PSD3: variants seen among roughly 807,000 people sequenced by gnomAD.
PSD3 encodes PH and SEC7 domain-containing protein 3.
PSD3 carries 49 observed loss-of-function variants against 105.5 expected under a neutral mutation model. The ratio of observed to expected loss-of-function variants is 0.46; its 90% confidence interval spans 0.37 to 0.59. PSD3 has a LOEUF of 0.59. Among genes scored for constraint, PSD3 ranks in the 20% least tolerant of loss-of-function variants. The pLI, the probability that PSD3 is intolerant of heterozygous loss-of-function variation, is 0.00. For missense variants in PSD3, 1,561 were observed against 1,263.8 expected (o/e 1.24, Z -3.57); for synonymous variants, 557 against 457.8 (o/e 1.22, Z -2.77).
intron 9 of PSD3, among the ~76,000 whole-genome samples, chr8:18,759,954 G>C (rs947451751): frequency 2.0e-5 from 3 of 149,700 alleles, no homozygotes; most frequent in Non-Finnish European, 2.9e-5. Flanking sequence ...ACCAGAGTTA[G>C]AAATGCAGAG....
At chr8:19,040,062 C>T (rs7820592) in intron 1 of PSD3, among the ~76,000 whole-genome samples, 11,238 of 152,130 alleles carry the variant, frequency 0.074, 1,390 homozygotes, top group African/African-American at 0.26. Flanking sequence ...ATGCACCACA[C>T]AAACATGAAC....
chr8:18,864,367 G>C lies in PSD3; in HGVS notation c.1634+3307C>G, dbSNP rs141099544. On this transcript the variant is annotated intron_variant, in intron 4 of 15. Coordinates refer to ENST00000327040, the MANE Select transcript of PSD3 (RefSeq NM_015310.4). ...TAATAGTTCCTTTCTTCCCCCTATA[G>C]CTCATTATGAGAACGAAGCATCATG... 5.2e-4 allele frequency among the ~76,000 whole-genome samples: 79 copies of C among 152,198 alleles called. No homozygotes were observed. The East Asian group carries it at 0.015, about 29-fold the overall frequency.
At chr8:18,986,586 G>A (rs990173698) in intron 1 of PSD3, among the ~76,000 whole-genome samples, 1 of 146,850 alleles carries the variant, frequency 6.8e-6, no homozygotes, top group South Asian at 2.2e-4. Context: ...TTCAATGTTT[G>A]AAAAAAAAAA....
chr8:19,005,260 C>T (rs183877567), intron 1 of PSD3, among the ~76,000 whole-genome samples: 42 of 151,990 alleles, frequency 2.8e-4, no homozygotes, highest in African/African-American at 9.9e-4. Flanking sequence ...TACTATTCAG[C>T]AATAACAAGG....
rs1799722691 is a variant in PSD3 at position 18,533,752 on chromosome 8, CA to C, written c.*1990del. 1 of 152,094 alleles carries C rather than the reference CA, an allele frequency of 6.6e-6. No individual in the cohort carries two copies. The highest frequency in any genetic ancestry group is 1.5e-5 in the Non-Finnish European group (1 of 68,014). 9.4% of individuals were successfully genotyped at this position (152,094 alleles called of 1,614,324 possible). ...CAAATATCCTGATAATTTAGATTAT[CA>C]GGTAGAAAGACAGATAACTTGCTTG... On this transcript the variant is annotated 3_prime_UTR_variant, in exon 16 of 16. Coordinates refer to ENST00000327040, the MANE Select transcript of PSD3 (RefSeq NM_015310.4).
At chr8:18,791,149 T>C (rs1439283624) in intron 8 of PSD3, among the ~76,000 whole-genome samples, 1 of 152,158 alleles carries the variant, frequency 6.6e-6, no homozygotes, top group African/African-American at 2.4e-5. Flanking sequence ...ATGGCCATAC[T>C]ATCCAAAGCA....
chr8:18,891,904 T>C (rs1005656395), intron 2 of PSD3, among the ~76,000 whole-genome samples: 1 of 152,200 alleles, frequency 6.6e-6, no homozygotes, highest in South Asian at 2.1e-4. Flanking sequence ...ATATTGAGTA[T>C]TCATTCCTTT....
In PSD3 at chr8:18,922,870, G is replaced by C. The variant is rs545150736; in HGVS notation, c.130+13164C>G. 1.2e-4 allele frequency among the ~76,000 whole-genome samples: 19 copies of C among 152,248 alleles called. No homozygotes were observed. In the East Asian group the frequency reaches 3.7e-3, roughly 29 times the overall value. Reference sequence around the variant, plus strand: ...ATGCATGGGGCAAGGCATGTGGGAGGGGGCAGAGAGTTCCATGCCCTCTCT... The same window carrying C: ...ATGCATGGGGCAAGGCATGTGGGAGCGGGCAGAGAGTTCCATGCCCTCTCT... On this transcript the variant is annotated intron_variant, in intron 2 of 15. Transcript: ENST00000327040.
chr8:18,610,079 C>T (rs36093086), intron 11 of PSD3, among the ~76,000 whole-genome samples: 41,460 of 152,058 alleles, frequency 0.27, 6,059 homozygotes, highest in South Asian at 0.46. Context: ...GCAATTTACA[C>T]ATTACAAAAA....
chr8:18,872,413 GTAATGT>G lies in PSD3; in HGVS notation c.445_450del (p.Thr149_Leu150del), dbSNP rs1345524164. On this transcript the variant is annotated inframe_deletion, in exon 3 of 16. Coordinates refer to ENST00000327040, the MANE Select transcript of PSD3 (RefSeq NM_015310.4). ...TCTTGGTCCAGTACCTTTGTAGCCTGTAATGTTCCGGAAATGATTCTGGCTTCTGTG... is the reference window on the plus strand; with the variant it reads ...TCTTGGTCCAGTACCTTTGTAGCCTGTCCGGAAATGATTCTGGCTTCTGTG... 6.2e-7 allele frequency: 1 copy of G among 1,614,078 alleles called. No homozygotes were observed. Among genetic ancestry groups the G allele is most frequent in the Non-Finnish European group, 8.5e-7 (1 of 1,180,046 alleles).
At chr8:18,552,057 C>G (rs1225066584) in intron 15 of PSD3, among the ~76,000 whole-genome samples, 1 of 152,170 alleles carries the variant, frequency 6.6e-6, no homozygotes, top group Non-Finnish European at 1.5e-5. Flanking sequence ...AAAACAAATA[C>G]AGTATTATGT....
intron 9 of PSD3, among the ~76,000 whole-genome samples, chr8:18,711,312 C>A (rs563018153): frequency 6.6e-6 from 1 of 152,066 alleles, no homozygotes; most frequent in African/African-American, 2.4e-5. Flanking sequence ...TGTAAATGGG[C>A]TAAATGCCTC....
chr8:18,949,244 A>AAAAAAAAAAAT (rs1345423514), intron 1 of PSD3, among the ~76,000 whole-genome samples: 13 of 14,404 alleles, frequency 9.0e-4, no homozygotes, highest in South Asian at 4.7e-3. Flanking sequence ...AAAAAAAAAA[A>AAAAAAAAAAAT]ATATATATAT....
chr8:18,855,825 A>C (rs1006075346), intron 4 of PSD3, among the ~76,000 whole-genome samples: 2 of 152,202 alleles, frequency 1.3e-5, no homozygotes, highest in Admixed American at 1.3e-4. Flanking sequence ...AGAGGAGAGG[A>C]GTTTGCAATT....
intron 1 of PSD3, among the ~76,000 whole-genome samples, chr8:19,048,255 C>A (rs536294338): frequency 1.3e-5 from 2 of 152,076 alleles, no homozygotes; most frequent in South Asian, 4.2e-4. Flanking sequence ...GTGGCCCCAC[C>A]CTCTCCCACA....
chr8:18,936,113 T>G lies in PSD3; in HGVS notation c.51A>C (p.Ala17=), dbSNP rs1237205529. 1.2e-6 allele frequency: 2 copies of G among 1,612,962 alleles called. No individual in the cohort carries two copies. Among genetic ancestry groups the G allele is most frequent in the African/African-American group, 2.7e-5 (2 of 74,920 alleles). The part of the protein sequence containing the change: ...AAETFVWVNN[A]SAHSQSVAKA... ...TGGCAACACTCTGGGAATGTGCAGA[T>G]GCATTGTTCACCCAAACAAATGTCT... is the stretch of plus-strand genomic sequence containing the variant. The change falls in exon 2 of 16, where the codon GCA becomes GCC. Residue 17 remains alanine (A), a synonymous_variant. Coordinates refer to ENST00000327040, the MANE Select transcript of PSD3 (RefSeq NM_015310.4).
intron 14 of PSD3, among the ~76,000 whole-genome samples, chr8:18,559,315 G>A (rs1039312870): frequency 2.6e-5 from 4 of 152,100 alleles, no homozygotes; most frequent in African/African-American, 9.7e-5. Context: ...TAATTTCATA[G>A]GTAAGAAATG....
chr8:18,821,058 G>A (rs1431005408), intron 4 of PSD3, among the ~76,000 whole-genome samples: 5 of 152,032 alleles, frequency 3.3e-5, no homozygotes, highest in South Asian at 2.1e-4. Flanking sequence ...CCAGCCTAAC[G>A]TTTAATGTTT....
At chr8:18,648,630 G>C (rs775428140) in intron 10 of PSD3, among the ~76,000 whole-genome samples, 1 of 152,330 alleles carries the variant, frequency 6.6e-6, no homozygotes, top group South Asian at 2.1e-4. Context: ...GAAGAAATTT[G>C]CTTTACTAAA....
Sources: gnomAD v4.1 joint callset for allele counts (sites outside exome capture counted in the v4.1 genomes callset) on GRCh38, gnomAD v4.1.1 for gene constraint, MANE v1.5 for transcripts, NCBI Gene and HGNC (gene_info 2026-07-23, HGNC 2026-07-21) for gene names.